The following PPP3CA variants were observed in gnomAD, a reference collection of about 807,000 sequenced individuals.
PPP3CA encodes protein phosphatase 3 catalytic subunit alpha, also known as CAM-PRP catalytic subunit.
A neutral mutation model predicts 66.5 loss-of-function variants in PPP3CA; 14 were observed. That is an observed-to-expected ratio of 0.21 (90% CI 0.14 to 0.33). The LOEUF is 0.33. PPP3CA is among the 10% of genes least tolerant of loss of function. PPP3CA has a pLI of 1.00. For missense variants in PPP3CA, 317 were observed against 639.5 expected, an observed-to-expected ratio of 0.50 and a Z score of 5.44; for synonymous variants, 232 against 226.2, an observed-to-expected ratio of 1.03 and a Z score of -0.23.
At chr4:101,046,964 TA>T (rs1159618071) in intron 10 of PPP3CA, among the ~76,000 whole-genome samples, 1 of 152,194 alleles carries the variant, frequency 6.6e-6, no homozygotes, top group Non-Finnish European at 1.5e-5. Flanking sequence ...GAAACTTGTG[TA>T]ATTGGTCTTT....
intron 2 of PPP3CA, among the ~76,000 whole-genome samples, chr4:101,187,235 T>C (rs1462218330): frequency 6.6e-6 from 1 of 152,102 alleles, no homozygotes; most frequent in Non-Finnish European, 1.5e-5. Context: ...TTATCACCTC[T>C]TCTTATTTCT....
intron 1 of PPP3CA, among the ~76,000 whole-genome samples, chr4:101,216,998 G>A (rs1172087586): frequency 6.6e-6 from 1 of 152,064 alleles, no homozygotes; most frequent in South Asian, 2.1e-4. Flanking sequence ...TTCAATGATC[G>A]GTGAAAATAA....
intron 1 of PPP3CA, among the ~76,000 whole-genome samples, chr4:101,298,976 T>C (rs562941688): frequency 5.3e-5 from 8 of 152,046 alleles, no homozygotes; most frequent in Admixed American, 3.3e-4. Flanking sequence ...TAGAGTGTAC[T>C]TGCACAAACC....
At chr4:101,074,416 A>C (rs1729056387) in intron 8 of PPP3CA, among the ~76,000 whole-genome samples, 2 of 152,138 alleles carry the variant, frequency 1.3e-5, no homozygotes, top group Non-Finnish European at 1.5e-5. Flanking sequence ...TAGTGGAAAA[A>C]AATTGTGGTA....
intron 10 of PPP3CA, among the ~76,000 whole-genome samples, chr4:101,049,528 A>C (rs1316142634): frequency 6.6e-6 from 1 of 152,252 alleles, no homozygotes; most frequent in Admixed American, 6.6e-5. Flanking sequence ...CTAAAAGGGA[A>C]GCAGTCATAA....
chr4:101,210,313 A>G (rs1440414043), intron 1 of PPP3CA, among the ~76,000 whole-genome samples: 2 of 152,176 alleles, frequency 1.3e-5, no homozygotes, highest in African/African-American at 4.8e-5. Context: ...AGGGAATTTC[A>G]AACATTTCTT....
At chr4:101,299,216 G>A (rs1188200434) in intron 1 of PPP3CA, among the ~76,000 whole-genome samples, 4 of 139,286 alleles carry the variant, frequency 2.9e-5, no homozygotes, top group Non-Finnish European at 4.5e-5. Flanking sequence ...GCCTCCCAAA[G>A]TCCTGGAATT....
chr4:101,078,465 C>A (rs1043806131), intron 8 of PPP3CA, among the ~76,000 whole-genome samples: 3 of 152,148 alleles, frequency 2.0e-5, no homozygotes, highest in African/African-American at 7.2e-5. Context: ...TATCTTAAGG[C>A]CTTCTCTGAC....
At chr4:101,326,519 G>A (rs180812318) in intron 1 of PPP3CA, among the ~76,000 whole-genome samples, 2 of 152,284 alleles carry the variant, frequency 1.3e-5, no homozygotes, top group African/African-American at 4.8e-5. Context: ...TTTCTAAAAT[G>A]CAAACAGGTG....
At chr4:101,082,258 C>T (rs1229296934) in intron 7 of PPP3CA, among the ~76,000 whole-genome samples, 1 of 152,246 alleles carries the variant, frequency 6.6e-6, no homozygotes, top group African/African-American at 2.4e-5. Context: ...GATCCGTTCA[C>T]ACCTGTTGAC....
chr4:101,218,889 T>C (rs563544569), intron 1 of PPP3CA, among the ~76,000 whole-genome samples: 1 of 152,176 alleles, frequency 6.6e-6, no homozygotes, highest in African/African-American at 2.4e-5. Context: ...AAGAATATTC[T>C]CTACCACTAT....
intron 1 of PPP3CA, among the ~76,000 whole-genome samples, chr4:101,314,312 A>C (rs1728815728): frequency 6.6e-6 from 1 of 152,124 alleles, no homozygotes; most frequent in Non-Finnish European, 1.5e-5. Flanking sequence ...AAGTTACCAA[A>C]AAATTTAATT....
At chr4:101,103,478 A>G (rs1730534524) in intron 3 of PPP3CA, among the ~76,000 whole-genome samples, 1 of 152,210 alleles carries the variant, frequency 6.6e-6, no homozygotes, top group Non-Finnish European at 1.5e-5. Flanking sequence ...ACGACTGGCT[A>G]CAGGGAGACA....
intron 1 of PPP3CA, among the ~76,000 whole-genome samples, chr4:101,296,472 A>G (rs960058349): frequency 1.3e-5 from 2 of 152,140 alleles, no homozygotes; most frequent in Non-Finnish European, 2.9e-5. Flanking sequence ...AATAAAGATG[A>G]ACTACTTTTA....
At chr4:101,087,187 G>A (rs1417015821) in intron 6 of PPP3CA, among the ~76,000 whole-genome samples, 1 of 152,150 alleles carries the variant, frequency 6.6e-6, no homozygotes, top group Non-Finnish European at 1.5e-5. Flanking sequence ...AGGACTTGCT[G>A]TGTTTCTTTT....
At chr4:101,048,245 T>C (rs1302978388) in intron 10 of PPP3CA, among the ~76,000 whole-genome samples, 1 of 152,140 alleles carries the variant, frequency 6.6e-6, no homozygotes, top group Non-Finnish European at 1.5e-5. Context: ...TGATCACTTT[T>C]AAGAAAATAA....
intron 1 of PPP3CA, among the ~76,000 whole-genome samples, chr4:101,335,021 C>T (rs970217853): frequency 6.6e-6 from 1 of 152,104 alleles, no homozygotes; most frequent in Non-Finnish European, 1.5e-5. Flanking sequence ...CCCTTCATGT[C>T]AGAATGCAAG....
chr4:101,255,328 ACT>A (rs1304896974), intron 1 of PPP3CA, among the ~76,000 whole-genome samples: 1 of 151,900 alleles, frequency 6.6e-6, no homozygotes, highest in Admixed American at 6.6e-5. Flanking sequence ...GAGATACGCT[ACT>A]GTTGTCGTTA....
At chr4:101,345,416 C>T (rs1578207766) in intron 1 of PPP3CA, among the ~76,000 whole-genome samples, 1 of 152,172 alleles carries the variant, frequency 6.6e-6, no homozygotes, top group Non-Finnish European at 1.5e-5. Flanking sequence ...ACTTGATTGC[C>T]TTGCACTCTA....
Sources: allele counts gnomAD v4.1 joint callset (sites outside exome capture counted in the v4.1 genomes callset), GRCh38; gene constraint gnomAD v4.1.1; transcripts MANE v1.5; gene names NCBI Gene and HGNC (gene_info 2026-07-23, HGNC 2026-07-21).